The following CSMD1 variants were observed in gnomAD, a reference collection of about 807,000 sequenced individuals.
The protein encoded by CSMD1 is CUB and sushi domain-containing protein 1.
Under a neutral mutation model 417.5 loss-of-function variants are expected in CSMD1, and 213 were observed. That is an observed-to-expected ratio of 0.51 (90% CI 0.46 to 0.57). The LOEUF is 0.57. Among genes scored for constraint, CSMD1 ranks in the 20% least tolerant of loss-of-function variants. CSMD1 has a pLI of 0.00. For synonymous variants in CSMD1, 2,862 were observed against 1,736.8 expected (o/e 1.65, Z -16.11); for missense variants, 6,923 against 4,529.7 (o/e 1.53, Z -15.17).
At chr8:4,094,073 G>T (rs1800869629) in intron 3 of CSMD1, among the ~76,000 whole-genome samples, 1 of 152,120 alleles carries the variant, frequency 6.6e-6, no homozygotes, top group African/African-American at 2.4e-5. Flanking sequence ...AGGACAGTGT[G>T]GAAGTGACGC....
At position 2,970,043 on chromosome 8, in the gene CSMD1, T is replaced by C. The variant is rs565380303; in HGVS notation, c.8923+3074A>G. ...AGCTTTTAAGGGCTAAGTTTCTAAT[T>C]TTTTTTCATAGAAAACTTTTAAATG... On this transcript the variant is annotated intron_variant, in intron 57 of 69. Transcript: ENST00000635120. Among the ~76,000 whole-genome samples, 16 of 152,318 alleles carry C rather than the reference T, an allele frequency of 1.1e-4. No individual in the cohort carries two copies. The East Asian group carries it at 2.9e-3, about 28-fold the overall frequency.
At chr8:3,413,475 C>T (rs897344359) in intron 12 of CSMD1, among the ~76,000 whole-genome samples, 1 of 152,172 alleles carries the variant, frequency 6.6e-6, no homozygotes, top group African/African-American at 2.4e-5. Context: ...AGTCCCTTAT[C>T]AGGCATTAGG....
chr8:4,048,201 A>G lies in CSMD1; in HGVS notation c.416-16102T>C, dbSNP rs746081439. 4.6e-5 allele frequency among the ~76,000 whole-genome samples: 7 copies of G among 152,298 alleles called. 1 individual carries two copies. The Middle Eastern group carries it at 0.017, about 370-fold the overall frequency. Reference sequence around the variant, plus strand: ...TTGTTGGTGCTGTATGGATGTTTTCATATTGAATAACATACCGTTCTTTGT... The same window carrying G: ...TTGTTGGTGCTGTATGGATGTTTTCGTATTGAATAACATACCGTTCTTTGT... On this transcript the variant is annotated intron_variant, in intron 3 of 69. Coordinates refer to ENST00000635120, the MANE Select transcript of CSMD1 (RefSeq NM_033225.6).
chr8:3,049,975 T>TA (rs1811711285), intron 50 of CSMD1, among the ~76,000 whole-genome samples: 1 of 151,984 alleles, frequency 6.6e-6, no homozygotes, highest in Non-Finnish European at 1.5e-5. Flanking sequence ...GCTCTGAAAA[T>TA]AAAAATTACA....
intron 3 of CSMD1, among the ~76,000 whole-genome samples, chr8:4,258,373 G>A (rs1159337413): frequency 1.1e-4 from 2 of 18,610 alleles, no homozygotes; most frequent in Non-Finnish European, 2.2e-4. Context: ...GAAGGAGGGA[G>A]GGAAGGAGGG....
chr8:4,601,624 G>T (rs1026104777), intron 2 of CSMD1, among the ~76,000 whole-genome samples: 1 of 152,110 alleles, frequency 6.6e-6, no homozygotes, highest in Non-Finnish European at 1.5e-5. Context: ...AACATTTACA[G>T]ATTACAAAGT....
At chr8:4,040,141 G>A (rs945729808) in intron 3 of CSMD1, among the ~76,000 whole-genome samples, 1 of 152,208 alleles carries the variant, frequency 6.6e-6, no homozygotes, top group Non-Finnish European at 1.5e-5. Flanking sequence ...AAGGGTATGA[G>A]AGTCAAGGCT....
chr8:4,188,297 G>A (rs1798804015), intron 3 of CSMD1, among the ~76,000 whole-genome samples: 2 of 152,232 alleles, frequency 1.3e-5, no homozygotes, highest in South Asian at 4.1e-4. Flanking sequence ...ATGTCCCCCG[G>A]TTGTCAAATC....
At chr8:4,140,685 A>T (rs1040214393) in intron 3 of CSMD1, among the ~76,000 whole-genome samples, 1 of 150,784 alleles carries the variant, frequency 6.6e-6, no homozygotes, top group Non-Finnish European at 1.5e-5. Context: ...AATAATAATA[A>T]TAGAGTAGAA....
chr8:3,910,308 T>G (rs1027845701), intron 5 of CSMD1, among the ~76,000 whole-genome samples: 1 of 152,082 alleles, frequency 6.6e-6, no homozygotes, highest in Admixed American at 6.5e-5. Context: ...ATGATGGAAT[T>G]CAGAGCATGC....
At chr8:4,614,317 A>T (rs1041573086) in intron 2 of CSMD1, among the ~76,000 whole-genome samples, 1 of 152,132 alleles carries the variant, frequency 6.6e-6, no homozygotes, top group African/African-American at 2.4e-5. Flanking sequence ...CTCTGTAGAA[A>T]ATCCTGTCTT....
intron 7 of CSMD1, among the ~76,000 whole-genome samples, chr8:3,652,107 T>C (rs1797886480): frequency 8.8e-6 from 1 of 113,396 alleles, no homozygotes; most frequent in Non-Finnish European, 2.0e-5. Flanking sequence ...CCTACCACCA[T>C]CAGCACGCTT....
rs747018254 is a variant in CSMD1 at position 3,199,772 on chromosome 8, C to A, written c.5136G>T (p.Leu1712=). The A allele has an allele frequency of 2.5e-6, 4 of 1,585,116 alleles. No homozygotes were observed. The highest frequency in any genetic ancestry group is 3.4e-6 in the Non-Finnish European group (4 of 1,165,220). ...TLPLATSNQI[L]LRFSAKSGAS... ...CACCGCTCTTTGCACTGAATCGGAG[C>A]AGAATTTGATTTGACGTAGCCAAGG... Residue 1712 remains leucine, a synonymous_variant, in exon 33 of 70, where the codon CTG becomes CTT. Transcript: ENST00000635120.
At chr8:3,347,078 TA>T (rs1263759842) in intron 22 of CSMD1, among the ~76,000 whole-genome samples, 1 of 152,202 alleles carries the variant, frequency 6.6e-6, no homozygotes, top group Non-Finnish European at 1.5e-5. Flanking sequence ...CTGATAAGCT[TA>T]AAAAAATCAC....
chr8:3,443,981 C>T (rs1239872723), intron 12 of CSMD1, among the ~76,000 whole-genome samples: 2 of 152,118 alleles, frequency 1.3e-5, no homozygotes, highest in Non-Finnish European at 2.9e-5. Flanking sequence ...GAAAGGACTA[C>T]AGATATACAA....
intron 1 of CSMD1, among the ~76,000 whole-genome samples, chr8:4,739,711 T>G (rs957959553): frequency 2.0e-5 from 3 of 152,146 alleles, no homozygotes; most frequent in Admixed American, 2.0e-4. Flanking sequence ...GTCTAGCACT[T>G]TACTAGGAGC....
intron 61 of CSMD1, among the ~76,000 whole-genome samples, chr8:2,961,971 T>G (rs1803534044): frequency 6.6e-6 from 1 of 152,230 alleles, no homozygotes; most frequent in Non-Finnish European, 1.5e-5. Context: ...TGGATACTAT[T>G]CAATTTCTTA....
intron 5 of CSMD1, chr8:3,949,912 G>A (rs911033660): frequency 2.2e-6 from 1 of 455,834 alleles, no homozygotes; most frequent in African/African-American, 2.0e-5. Context: ...GGAAGCTCCA[G>A]GTGTTGAGGC....
At chr8:4,400,763 T>A (rs1585017554) in intron 3 of CSMD1, among the ~76,000 whole-genome samples, 2 of 129,050 alleles carry the variant, frequency 1.5e-5, no homozygotes, top group African/African-American at 3.2e-5. Flanking sequence ...ACAGATCAGT[T>A]TTTTTTTTTT....
Sources: allele counts gnomAD v4.1 joint callset (sites outside exome capture counted in the v4.1 genomes callset), GRCh38; gene constraint gnomAD v4.1.1; transcripts MANE v1.5; gene names NCBI Gene and HGNC (gene_info 2026-07-23, HGNC 2026-07-21).